Variants in DNAH14 observed in about 807,000 individuals in gnomAD.
DNAH14 encodes dynein axonemal heavy chain 14.
DNAH14 carries 478 observed loss-of-function variants against 520.9 expected under a neutral mutation model. The observed-to-expected ratio is 0.92, with a 90% CI of 0.85 to 0.99. The LOEUF (loss-of-function observed/expected upper bound fraction) is 0.99. Among genes scored for constraint, DNAH14 ranks in the 50% least tolerant of loss-of-function variants. The pLI, the probability that DNAH14 is intolerant of heterozygous loss-of-function variation, is 0.00. For missense variants in DNAH14, 4,831 were observed against 5,234.5 expected (o/e 0.92, Z 2.38); for synonymous variants, 1,581 against 1,757.2 (o/e 0.90, Z 2.51).
Position 225,085,768 on chromosome 1 carries a change from T to C in DNAH14, c.3552T>C (p.Ser1184=), listed in dbSNP as rs1206398271. ...SQVILATIKG[S]PHIGPIKDLV... ...TCATACTTGCAACAATTAAAGGATC[T>C]CCCCACATTGGGCCCATTAAGGTAA... The change falls in exon 21 of 86, where the codon TCT becomes TCC. Residue 1184 remains serine (S), a synonymous_variant. Coordinates refer to ENST00000682510, the MANE Select transcript of DNAH14 (RefSeq NM_001367479.1). 6.5e-7 allele frequency: 1 copy of C among 1,550,014 alleles called. No individual in the cohort carries two copies.
chr1:225,181,303 CT>C (rs1180965826), intron 36 of DNAH14, among the ~76,000 whole-genome samples: 2 of 152,038 alleles, frequency 1.3e-5, no homozygotes, highest in African/African-American at 4.8e-5. Flanking sequence ...ATGTAGATAC[CT>C]TTTTGGTATA....
At chr1:225,342,182 T>C (rs1437355820) in intron 69 of DNAH14, among the ~76,000 whole-genome samples, 2 of 152,200 alleles carry the variant, frequency 1.3e-5, no homozygotes, top group African/African-American at 4.8e-5. Context: ...AGCTAGTTTT[T>C]TTAAAAAGGC....
In DNAH14 at chr1:225,307,544, G is replaced by A; in HGVS notation, c.9089G>A (p.Gly3030Asp). The A allele has an allele frequency of 6.5e-7, 1 of 1,542,346 alleles. No homozygotes were observed. The highest frequency in any genetic ancestry group is 2.5e-5 in the East Asian group (1 of 40,752). The change falls in exon 59 of 86, where the codon GGC (glycine) becomes GAC (aspartate). Residue 3030 changes from glycine to aspartate, a missense_variant. Gly to Asp is a moderately conservative substitution (Grantham distance 94). Transcript: ENST00000682510. ...ATGCAAGAAGAGCTCTTGATTCTTGGCCCTCAAGTAGAACAAAAAACAAAG... is the reference window on the plus strand; with the variant it reads ...ATGCAAGAAGAGCTCTTGATTCTTGACCCTCAAGTAGAACAAAAAACAAAG... ...TEMQEELLIL[G>D]PQVEQKTKET...
chr1:225,359,789 C>T (rs1040682939), intron 74 of DNAH14, among the ~76,000 whole-genome samples: 3 of 152,240 alleles, frequency 2.0e-5, no homozygotes, highest in African/African-American at 7.2e-5. Context: ...GAAAGGCACA[C>T]ATCCTCCCTT....
At chr1:225,004,929 T>C (rs2064050426) in intron 9 of DNAH14, among the ~76,000 whole-genome samples, 1 of 152,142 alleles carries the variant, frequency 6.6e-6, no homozygotes, top group Non-Finnish European at 1.5e-5. Flanking sequence ...AAGCATACCT[T>C]TAAAGAGGGT....
chr1:225,186,198 A>C (rs957555232), intron 37 of DNAH14, among the ~76,000 whole-genome samples: 112 of 147,932 alleles, frequency 7.6e-4, no homozygotes, highest in Non-Finnish European at 2.4e-4. Flanking sequence ...AAAATTTACA[A>C]ATTCAGATTC....
rs1320133925 is a variant in DNAH14 at position 225,102,429 on chromosome 1, T to C, written c.3867+1545T>C. Among the ~76,000 whole-genome samples the C allele has an allele frequency of 1.3e-5, 2 of 152,162 alleles. 1 individual carries two copies. On this transcript the variant is annotated intron_variant, in intron 23 of 85. Transcript: ENST00000682510. ...CCAGTAATGGGATGGCTGGGTCAAA[T>C]GGTATTTCTAGTTCTAGATCCCTGA...
intron 81 of DNAH14, among the ~76,000 whole-genome samples, chr1:225,386,650 A>G (rs1055045109): frequency 1.5e-4 from 23 of 152,276 alleles, no homozygotes; most frequent in African/African-American, 5.5e-4. Flanking sequence ...ATCACTGGCC[A>G]TCAGAGAAAT....
intron 1 of DNAH14, among the ~76,000 whole-genome samples, chr1:224,944,140 G>T (rs1357606271): frequency 6.6e-6 from 1 of 152,102 alleles, no homozygotes; most frequent in Non-Finnish European, 1.5e-5. Flanking sequence ...AAGTCTCTTT[G>T]TAGGTCTCTA....
In DNAH14 at chr1:225,140,805, T is replaced by A; in HGVS notation, c.4292T>A (p.Phe1431Tyr). ...IMFYNDCVKS[F>Y]VSSYSREKLE... Reference sequence around the variant, plus strand: ...TTTTATAATGATTGTGTTAAAAGTTTTGTGAGTTCTTATTCAAGAGAAAAA... The same window carrying A: ...TTTTATAATGATTGTGTTAAAAGTTATGTGAGTTCTTATTCAAGAGAAAAA... The change falls in exon 28 of 86, where the codon TTT becomes TAT. Residue 1431 changes from phenylalanine to tyrosine, a missense_variant. Coordinates refer to ENST00000682510, the MANE Select transcript of DNAH14 (RefSeq NM_001367479.1). 6.5e-7 allele frequency: 1 copy of A among 1,550,008 alleles called. No individual in the cohort carries two copies. The highest frequency in any genetic ancestry group is 8.7e-7 in the Non-Finnish European group (1 of 1,146,466).
chr1:225,265,369 G>A lies in DNAH14; in HGVS notation c.7410G>A (p.Arg2470=). The change falls in exon 48 of 86, where the codon CGG becomes CGA. Residue 2470 remains arginine (R), a splice_region_variant and synonymous_variant. Transcript: ENST00000682510. ...CTCTTGGAGCACCAAAAAACAACCG[G>A]GTAAAACACCTCTCATACCTGTTCA... ...KDTLGAPKNN[R]ILIFIDDMNM... 1 of 1,530,698 alleles carries A rather than the reference G, an allele frequency of 6.5e-7. No homozygotes were observed. Among genetic ancestry groups the A allele is most frequent in the Non-Finnish European group, 8.8e-7 (1 of 1,141,170 alleles). 94.8% of individuals were successfully genotyped at this position (1,530,698 alleles called of 1,614,324 possible). A position where few individuals can be genotyped will look rare whatever the true frequency, so the allele number is the denominator to read the frequency against.
At chr1:224,993,659 A>G (rs1432437355) in intron 8 of DNAH14, among the ~76,000 whole-genome samples, 1 of 150,766 alleles carries the variant, frequency 6.6e-6, no homozygotes, top group Admixed American at 6.6e-5. Flanking sequence ...CTTTTAAATT[A>G]TTTTTTCTAG....
At chr1:225,049,046 TA>T (rs148176215) in intron 15 of DNAH14, among the ~76,000 whole-genome samples, 41 of 80,338 alleles carry the variant, frequency 5.1e-4, no homozygotes, top group East Asian at 1.4e-3. Flanking sequence ...ATCTCTTGCC[TA>T]TTTTTTTTTT....
chr1:225,335,064 G>GTA (rs898064300), intron 66 of DNAH14, among the ~76,000 whole-genome samples: 3 of 147,464 alleles, frequency 2.0e-5, no homozygotes, highest in Admixed American at 6.8e-5. Flanking sequence ...GTACATATAT[G>GTA]TATATATAAC....
At chr1:225,127,693 G>A (rs750662894) in intron 27 of DNAH14, among the ~76,000 whole-genome samples, 52 of 152,058 alleles carry the variant, frequency 3.4e-4, no homozygotes, top group South Asian at 2.1e-3. Context: ...TAATGGGAGC[G>A]TTTAGTCCAT....
intron 23 of DNAH14, among the ~76,000 whole-genome samples, chr1:225,115,151 C>T (rs1001982051): frequency 2.0e-5 from 3 of 152,052 alleles, no homozygotes; most frequent in Non-Finnish European, 4.4e-5. Flanking sequence ...TTGCTTTTTC[C>T]CTAACAATGG....
intron 44 of DNAH14, 61 bp downstream of exon 44, chr1:225,252,478 A>G: frequency 3.3e-6 from 3 of 909,202 alleles, no homozygotes; most frequent in Non-Finnish European, 5.0e-6. Flanking sequence ...CTCTATTCAT[A>G]AAAGTAATTA....
rs561845315 is a variant in DNAH14 at position 225,232,764 on chromosome 1, A to G, written c.6518+1613A>G. Among the ~76,000 whole-genome samples, 9 of 152,292 alleles carry G rather than the reference A, an allele frequency of 5.9e-5. No homozygotes were observed. The East Asian group carries it at 1.5e-3, about 26-fold the overall frequency. ...ATACCTTCCCTGACTCCCACATCTA[A>G]ACTAGTTATCCCTACTATTATTCTT... is the stretch of plus-strand genomic sequence containing the variant. On this transcript the variant is annotated intron_variant, in intron 42 of 85. Transcript: ENST00000682510. This position sits in a 1 kb window ranked among gnomAD's most constrained non-coding sequence, Gnocchi z 4.2.
At chr1:225,107,314 G>A (rs749428186) in intron 23 of DNAH14, among the ~76,000 whole-genome samples, 6 of 152,152 alleles carry the variant, frequency 3.9e-5, no homozygotes, top group Non-Finnish European at 7.3e-5. Flanking sequence ...AGGCTACTCG[G>A]GGATCAGGGA....
Sources: gnomAD v4.1 joint callset for allele counts (sites outside exome capture counted in the v4.1 genomes callset) on GRCh38, gnomAD v4.1.1 for gene constraint, Gnocchi (gnomAD v3.1) non-coding constraint, MANE v1.5 for transcripts, NCBI Gene and HGNC (gene_info 2026-07-23, HGNC 2026-07-21) for gene names.